The following FRAS1 variants were observed in gnomAD, a reference collection of about 807,000 sequenced individuals.
FRAS1 encodes the protein Fraser extracellular matrix complex subunit 1.
Under a neutral mutation model 435.2 loss-of-function variants are expected in FRAS1, and 290 were observed. The observed-to-expected ratio is 0.67, with a 90% CI of 0.61 to 0.73. The LOEUF is 0.73. FRAS1 is among the 30% of genes least tolerant of loss of function. The pLI, the probability that FRAS1 is intolerant of heterozygous loss-of-function variation, is 0.00. For missense variants in FRAS1, 4,860 were observed against 5,001.5 expected (o/e 0.97, Z 0.85); for synonymous variants, 1,800 against 1,851.0 (o/e 0.97, Z 0.71).
intron 2 of FRAS1, among the ~76,000 whole-genome samples, chr4:78,163,117 C>A (rs185735888): frequency 2.0e-5 from 3 of 152,292 alleles, no homozygotes; most frequent in African/African-American, 4.8e-5. Context: ...GAAAAATACA[C>A]CCAAACCTCA....
At chr4:78,418,060 A>C (rs939163736) in intron 32 of FRAS1, among the ~76,000 whole-genome samples, 1 of 152,126 alleles carries the variant, frequency 6.6e-6, no homozygotes, top group Non-Finnish European at 1.5e-5. Flanking sequence ...TTTGTTTTTT[A>C]AGTGTTGCCA....
At chr4:78,058,177 GT>G in intron 1 of FRAS1, 92 bp downstream of exon 1, 1 of 1,196,730 alleles carries the variant, frequency 8.4e-7, no homozygotes, top group Non-Finnish European at 1.2e-6. Flanking sequence ...ATCTCAGCAG[GT>G]TTTATGGTAT....
intron 33 of FRAS1, 140 bp downstream of exon 33, chr4:78,419,203 T>A (rs1733667348): frequency 1.8e-6 from 1 of 542,856 alleles, no homozygotes; most frequent in Admixed American, 4.0e-5. Flanking sequence ...TTATTCATAT[T>A]TCTCGCTCCT....
chr4:78,326,986 A>AT (rs1179965898), intron 18 of FRAS1, among the ~76,000 whole-genome samples: 2 of 152,162 alleles, frequency 1.3e-5, no homozygotes, highest in Non-Finnish European at 2.9e-5. Flanking sequence ...AAAAGATGTG[A>AT]TTTTTACTCT....
intron 19 of FRAS1, among the ~76,000 whole-genome samples, chr4:78,336,378 T>G (rs1730170919): frequency 6.6e-6 from 1 of 152,134 alleles, no homozygotes; most frequent in African/African-American, 2.4e-5. Flanking sequence ...TAAAATTGTT[T>G]AGGGGAGGAA....
At chr4:78,100,748 G>A (rs1258279979) in intron 2 of FRAS1, among the ~76,000 whole-genome samples, 1 of 152,170 alleles carries the variant, frequency 6.6e-6, no homozygotes, top group East Asian at 1.9e-4. Flanking sequence ...TTACATATGT[G>A]TGTGTGCGTG....
rs993641962 is a variant in FRAS1, at chr4:78,477,887, G to A, written c.7924G>A (p.Val2642Ile). 1 of 1,613,592 alleles carries A rather than the reference G, an allele frequency of 6.2e-7. No individual in the cohort carries two copies. The change falls in exon 55 of 74, where the codon GTT becomes ATT. Residue 2642 changes from valine to isoleucine, a missense_variant. Transcript: ENST00000512123. ...CAACGATGATGACGTGTTTGAAAAT[G>A]TTGAGAGTTTCACTGTGGAGCTCAG... ...VINDDDVFEN[V>I]ESFTVELSMP...
At chr4:78,312,691 G>A (rs143698263) in intron 15 of FRAS1, among the ~76,000 whole-genome samples, 34 of 152,062 alleles carry the variant, frequency 2.2e-4, no homozygotes, top group Non-Finnish European at 2.4e-4. Context: ...AATTAGCCAG[G>A]TGTGGTGATG....
intron 29 of FRAS1, among the ~76,000 whole-genome samples, chr4:78,394,987 T>C (rs1000736173): frequency 1.3e-5 from 2 of 152,008 alleles, no homozygotes; most frequent in Admixed American, 1.3e-4. Context: ...TTGCTTTCTT[T>C]AATTTGTTTT....
chr4:78,362,418 A>G (rs979237209), intron 20 of FRAS1, among the ~76,000 whole-genome samples: 2 of 152,096 alleles, frequency 1.3e-5, no homozygotes, highest in African/African-American at 2.4e-5. Context: ...GCTGTGCTCA[A>G]CCCCTTGTAG....
chr4:78,182,069 C>T, intron 2 of FRAS1: 1 of 1,503,956 alleles, frequency 6.6e-7, no homozygotes, highest in Non-Finnish European at 8.8e-7. Context: ...GCGGCGGGTT[C>T]CTCTACGGAT....
chr4:78,188,279 G>GTCTATCTATCTATCTA (rs998341866), intron 2 of FRAS1, among the ~76,000 whole-genome samples: 1 of 25,584 alleles, frequency 3.9e-5, no homozygotes, highest in African/African-American at 7.6e-5. Flanking sequence ...CTATCTGTCT[G>GTCTATCTATCTATCTA]TCTATCTATC....
intron 29 of FRAS1, among the ~76,000 whole-genome samples, chr4:78,393,373 A>C (rs1314187844): frequency 6.6e-6 from 1 of 150,568 alleles, no homozygotes; most frequent in Non-Finnish European, 1.5e-5. Flanking sequence ...TAAGGGTTAC[A>C]TAAAATATCT....
At chr4:78,468,750 G>A (rs1719614298) in intron 50 of FRAS1, among the ~76,000 whole-genome samples, 1 of 152,164 alleles carries the variant, frequency 6.6e-6, no homozygotes, top group African/African-American at 2.4e-5. Context: ...CTGGTGAAAG[G>A]TGGGCCTGGG....
intron 10 of FRAS1, among the ~76,000 whole-genome samples, chr4:78,279,291 G>T (rs1246799524): frequency 1.4e-4 from 22 of 152,206 alleles, no homozygotes; most frequent in Non-Finnish European, 2.9e-5. Flanking sequence ...AAAGGCATTG[G>T]CCATGAGGTC....
chr4:78,203,596 C>T (rs1289313523), intron 2 of FRAS1, among the ~76,000 whole-genome samples: 1 of 151,786 alleles, frequency 6.6e-6, no homozygotes, highest in East Asian at 1.9e-4. Flanking sequence ...GATGGAGTTT[C>T]GTTCTTTTTA....
rs767932241 is a variant in FRAS1 at position 78,432,522 on chromosome 4, G to A, written c.5135G>A (p.Arg1712Gln). 2.5e-6 allele frequency: 4 copies of A among 1,612,868 alleles called. No homozygotes were observed. Among genetic ancestry groups the A allele is most frequent in the East Asian group, 2.2e-5 (1 of 44,852 alleles). ...EVSLSEDRGP[R>Q]LAAGSSLSIT... is the part of the protein sequence containing the mutation. ...TCCCTGTCAGAAGACCGAGGGCCTC[G>A]ACTGGCTGCTGGCTCCTCTCTGAGC... is the stretch of plus-strand genomic sequence containing the variant. Residue 1712 changes from arginine (R) to glutamine (Q), a missense_variant, in exon 38 of 74, where the codon CGA becomes CAA. Coordinates refer to ENST00000512123, the MANE Select transcript of FRAS1 (RefSeq NM_025074.7).
At chr4:78,138,589 A>T (rs1720025879) in intron 2 of FRAS1, among the ~76,000 whole-genome samples, 1 of 152,190 alleles carries the variant, frequency 6.6e-6, no homozygotes, top group Non-Finnish European at 1.5e-5. Flanking sequence ...TTATATAATA[A>T]TTCCCTGCCA....
At chr4:78,419,136 G>A (rs569169830) in intron 33 of FRAS1, 73 bp downstream of exon 33, 10 of 818,144 alleles carry the variant, frequency 1.2e-5, no homozygotes, top group Admixed American at 1.1e-4. Flanking sequence ...TAATATCTCT[G>A]GAGTTTTGTC....
Sources: gnomAD v4.1 joint callset for allele counts (sites outside exome capture counted in the v4.1 genomes callset) on GRCh38, gnomAD v4.1.1 for gene constraint, MANE v1.5 for transcripts, NCBI Gene and HGNC (gene_info 2026-07-23, HGNC 2026-07-21) for gene names.